The following RFC5 variants were observed in gnomAD, a reference collection of about 807,000 sequenced individuals.
The protein encoded by RFC5 is replication factor C subunit 5, also known as A1 36 kDa subunit.
Under a neutral mutation model 44.3 loss-of-function variants are expected in RFC5, and 26 were observed. The observed-to-expected ratio is 0.59, with a 90% CI of 0.43 to 0.81. RFC5 has a LOEUF of 0.81. RFC5 is among the 40% of genes least tolerant of loss of function. The probability of loss-of-function intolerance (pLI) is 0.00; values close to 1 mark genes in which losing one functional copy is unlikely to be tolerated. For synonymous variants in RFC5, 155 were observed against 155.2 expected, an observed-to-expected ratio of 1.00 and a Z score of 0.01; for missense variants, 328 against 418.6, an observed-to-expected ratio of 0.78 and a Z score of 1.89.
chr12:118,040,462 T>G, the RFC5 span, among the ~76,000 whole-genome samples: 2 of 152,034 alleles, frequency 1.3e-5, no homozygotes, highest in African/African-American at 4.8e-5. Context: ...TAAGCCAGCA[T>G]TTAAAAAGGC....
chr12:118,023,569 T>C (rs2030702026), intron 5 of RFC5, among the ~76,000 whole-genome samples: 1 of 151,942 alleles, frequency 6.6e-6, no homozygotes, highest in Admixed American at 6.6e-5. Context: ...TGGCAGCCTT[T>C]CTTCGGCATC....
intron 5 of RFC5, 82 bp downstream of exon 5, chr12:118,022,441 C>A: frequency 1.0e-6 from 1 of 1,000,998 alleles, no homozygotes; most frequent in Non-Finnish European, 1.5e-6. Flanking sequence ...TTGCTGTTGT[C>A]ATTGTTTTTT....
Position 118,024,877 on chromosome 12 carries a change from A to G in RFC5, c.448A>G (p.Arg150Gly). The change falls in exon 6 of 11, where the codon AGA (arginine) becomes GGA (glycine). Residue 150 changes from arginine (R) to glycine (G), a missense_variant. Transcript: ENST00000454402. Reference sequence around the variant, plus strand: ...AATTGAGAAATTCACAGAAAATACCAGATTCTGCCTCATCTGTAACTATCT... The same window carrying G: ...AATTGAGAAATTCACAGAAAATACCGGATTCTGCCTCATCTGTAACTATCT... ...RVIEKFTENT[R>G]FCLICNYLSK... The G allele has an allele frequency of 1.2e-6, 2 of 1,610,934 alleles. No individual in the cohort carries two copies. Among genetic ancestry groups the G allele is most frequent in the Non-Finnish European group, 1.7e-6 (2 of 1,179,112 alleles).
In RFC5 at chr12:118,029,380, G is replaced by A. The variant is rs537973426; in HGVS notation, c.872-391G>A. Among the ~76,000 whole-genome samples, 5 of 152,316 alleles carry A rather than the reference G, an allele frequency of 3.3e-5. No individual in the cohort carries two copies. In the East Asian group the frequency reaches 9.6e-4, roughly 29 times the overall value. On this transcript the variant is annotated intron_variant, in intron 9 of 10. Transcript: ENST00000454402. ...CTGCAGTGAGTCATGATCACGCCAT[G>A]CCATGGCACTCCAGCCTGGGCAAGA...
At position 118,020,958 on chromosome 12, in the gene RFC5, G is replaced by A. The variant is rs534826245; in HGVS notation, c.320G>A (p.Ser107Asn). The change falls in exon 4 of 11, where the codon AGC becomes AAC. Residue 107 changes from serine to asparagine, a missense_variant. Transcript: ENST00000454402. ...GACATCATTCGAGGACCGATCCTGA[G>A]CTTTGCTAGCACAAGGACAATATTT... ...GIDIIRGPILSFASTRTIFKK... is the reference protein window; with the variant it reads ...GIDIIRGPILNFASTRTIFKK... The A allele has an allele frequency of 3.2e-5, 51 of 1,610,194 alleles. No individual in the cohort carries two copies. The highest frequency in any genetic ancestry group is 4.2e-5 in the Non-Finnish European group (49 of 1,176,898).
chr12:118,039,007 G>A, the RFC5 span, among the ~76,000 whole-genome samples: 1 of 152,156 alleles, frequency 6.6e-6, no homozygotes, highest in Non-Finnish European at 1.5e-5. Context: ...AGCAGAGAAT[G>A]TTCTTTTTAG....
the RFC5 span, among the ~76,000 whole-genome samples, chr12:118,039,862 G>T: frequency 2.0e-5 from 3 of 151,646 alleles, no homozygotes; most frequent in African/African-American, 7.3e-5. Flanking sequence ...TCCTGCCTCA[G>T]CCTCCCGAGT....
intron 5 of RFC5, 171 bp from the exon 6 acceptor site, chr12:118,024,680 G>C: frequency 1.7e-6 from 1 of 571,532 alleles, no homozygotes; most frequent in Non-Finnish European, 3.1e-6. Context: ...CAAAGTGCTG[G>C]GATTACAGAC....
the RFC5 span, among the ~76,000 whole-genome samples, chr12:118,039,263 T>G: frequency 3.3e-5 from 5 of 152,074 alleles, no homozygotes; most frequent in African/African-American, 1.2e-4. Context: ...TAACCCAGGG[T>G]GTCTCACACA....
downstream of RFC5, chr12:118,035,114 T>A: frequency 1.2e-6 from 2 of 1,613,700 alleles, no homozygotes; most frequent in Non-Finnish European, 1.7e-6. Context: ...AGAGAGAACA[T>A]CTGGATATTA....
chr12:118,019,151 G>A lies in RFC5; in HGVS notation c.130+15G>A, dbSNP rs1182492707. 4 of 1,595,484 alleles carry A rather than the reference G, an allele frequency of 2.5e-6. No individual in the cohort carries two copies. Among genetic ancestry groups the A allele is most frequent in the Non-Finnish European group, 3.4e-6 (4 of 1,163,478 alleles). ...TCTGAGTACCAGTAAGTATTCATGT[G>A]TCAGTTGCTCTTGTCCTGCTTGAGC... On this transcript the variant is annotated intron_variant, in intron 2 of 10. Transcript: ENST00000454402. This position sits in a 1 kb window ranked among gnomAD's most constrained non-coding sequence, Gnocchi z 4.2.
rs2030358582 is a variant in RFC5 at position 118,019,756 on chromosome 12, C to T, written c.255C>T (p.Ser85=). The T allele has an allele frequency of 1.2e-6, 2 of 1,613,892 alleles. No homozygotes were observed. The highest frequency in any genetic ancestry group is 4.5e-5 in the East Asian group (2 of 44,884). ...TATATAAAGACAAAGAATTTGGCTC[C>T]ATGGTCTTGGAGGTAAATAAGATTG... is the stretch of plus-strand genomic sequence containing the variant. ...KQLYKDKEFG[S]MVLELNASDD... Residue 85 remains serine (S), a synonymous_variant, in exon 3 of 11, where the codon TCC becomes TCT. Coordinates refer to ENST00000454402, the MANE Select transcript of RFC5 (RefSeq NM_007370.7). This position sits in a 1 kb window ranked among gnomAD's most constrained non-coding sequence, Gnocchi z 4.2.
downstream of RFC5, among the ~76,000 whole-genome samples, chr12:118,036,718 G>A (rs2031519599): frequency 6.6e-6 from 1 of 152,324 alleles, no homozygotes; most frequent in African/African-American, 2.4e-5. Flanking sequence ...CAATGGGCAT[G>A]CTCAAGGAGC....
chr12:118,038,215 ACT>A, the RFC5 span: 40 of 1,421,334 alleles, frequency 2.8e-5, 1 homozygote, highest in Non-Finnish European at 3.7e-5. Context: ...TTTTGAGAAC[ACT>A]CACACACACC....
At chr12:118,023,704 G>A (rs1367756543) in intron 5 of RFC5, among the ~76,000 whole-genome samples, 1 of 151,958 alleles carries the variant, frequency 6.6e-6, no homozygotes, top group African/African-American at 2.4e-5. Flanking sequence ...GTGCTCTAAG[G>A]CCTCCAGACA....
chr12:118,025,027 C>A lies in RFC5; in HGVS notation c.581+17C>A. On this transcript the variant is annotated intron_variant, in intron 6 of 10. Coordinates refer to ENST00000454402, the MANE Select transcript of RFC5 (RefSeq NM_007370.7). ...AGAAGAGAAGTGAGTATTTTGCGGG[C>A]CTTTGGGGATGGAGTGTAGTAGAAA... The A allele has an allele frequency of 1.2e-6, 2 of 1,609,742 alleles. No individual in the cohort carries two copies. Among genetic ancestry groups the A allele is most frequent in the East Asian group, 2.2e-5 (1 of 44,832 alleles).
chr12:118,030,311 G>A (rs1172320116), intron 10 of RFC5, among the ~76,000 whole-genome samples: 3 of 152,132 alleles, frequency 2.0e-5, no homozygotes, highest in Non-Finnish European at 4.4e-5. Flanking sequence ...GTCAGCATAG[G>A]CCAACTCTAA....
At chr12:118,036,362 G>T (rs1306154460), downstream of RFC5, 1 of 1,614,168 alleles carries the variant, frequency 6.2e-7, no homozygotes. Flanking sequence ...CCTTTCGCCG[G>T]TGTAGGGGTC....
the RFC5 span, among the ~76,000 whole-genome samples, chr12:118,038,564 T>A: frequency 6.6e-6 from 1 of 152,208 alleles, no homozygotes; most frequent in Non-Finnish European, 1.5e-5. Context: ...ATTTGTCATT[T>A]AAACACCTGT....
Sources: allele counts gnomAD v4.1 joint callset (sites outside exome capture counted in the v4.1 genomes callset), GRCh38; gene constraint gnomAD v4.1.1; non-coding constraint Gnocchi (gnomAD v3.1); transcripts MANE v1.5; gene names NCBI Gene and HGNC (gene_info 2026-07-23, HGNC 2026-07-21).